The following NCMAP variants were observed in gnomAD, a reference collection of about 807,000 sequenced individuals.
NCMAP encodes noncompact myelin-associated protein.
NCMAP carries 8 observed loss-of-function variants against 7.8 expected under a neutral mutation model. That is an observed-to-expected ratio of 1.02 (90% CI 0.60 to 1.84). NCMAP has a LOEUF of 1.84. Ranked by LOEUF, NCMAP falls within the 40% of genes most tolerant of loss-of-function variation. NCMAP has a pLI of 0.00. For missense variants in NCMAP, 112 were observed against 131.4 expected, an observed-to-expected ratio of 0.85 and a Z score of 0.72; for synonymous variants, 41 against 52.9, an observed-to-expected ratio of 0.78 and a Z score of 0.98.
chr1:24,595,568 T>G, intron 2 of NCMAP, 56 bp downstream of exon 2: 2 of 1,391,818 alleles, frequency 1.4e-6, no homozygotes, highest in South Asian at 2.3e-5. Context: ...AGTGTCATGG[T>G]CATAGTGCAG....
At chr1:24,585,519 T>C (rs1570529212) in intron 1 of NCMAP, among the ~76,000 whole-genome samples, 1 of 152,306 alleles carries the variant, frequency 6.6e-6, no homozygotes, top group South Asian at 2.1e-4. Flanking sequence ...TGTGAAGCTA[T>C]GAACAGTTCC....
At chr1:24,593,399 G>A (rs1419533956) in intron 1 of NCMAP, among the ~76,000 whole-genome samples, 1 of 151,948 alleles carries the variant, frequency 6.6e-6, no homozygotes, top group African/African-American at 2.4e-5. Context: ...AGGCTGAAGT[G>A]GGAGGATTAC....
intron 1 of NCMAP, among the ~76,000 whole-genome samples, chr1:24,564,478 C>A (rs1255367053): frequency 2.3e-5 from 3 of 128,312 alleles, no homozygotes; most frequent in Non-Finnish European, 4.7e-5. Flanking sequence ...CACGCCACTG[C>A]ACTCCAGCCT....
intron 1 of NCMAP, among the ~76,000 whole-genome samples, chr1:24,580,738 C>T (rs1254726665): frequency 4.6e-5 from 7 of 152,336 alleles, no homozygotes; most frequent in African/African-American, 7.2e-5. Flanking sequence ...GAATGACAGG[C>T]GTGAGCCACT....
At chr1:24,597,654 A>AGAAAGAAG (rs1491324327) in intron 2 of NCMAP, among the ~76,000 whole-genome samples, 1 of 138,338 alleles carries the variant, frequency 7.2e-6, no homozygotes, top group Non-Finnish European at 1.6e-5. Flanking sequence ...AAAGAAAGAA[A>AGAAAGAAG]GAAAGAAAGA....
intron 1 of NCMAP, among the ~76,000 whole-genome samples, chr1:24,583,746 G>A (rs1318422535): frequency 6.7e-6 from 1 of 150,298 alleles, no homozygotes; most frequent in Admixed American, 6.6e-5. Context: ...AAAGTGAGCA[G>A]GTGAGCAGAA....
chr1:24,577,420 T>TTTTTTTG lies in NCMAP; in HGVS notation c.-7-17998_-7-17997insGTTTTTT, dbSNP rs1553155956. Reference sequence around the variant, plus strand: ...GGCCTTGTTTTTTTTTTTTTTTTTTTTTTTTTTTTTTGGTTTTTTTGTTTG... The same window carrying TTTTTTTG: ...GGCCTTGTTTTTTTTTTTTTTTTTTTTTTTTTGTTTTTTTTTTTGGTTTTTTTGTTTG... On this transcript the variant is annotated intron_variant, in intron 1 of 3. Coordinates refer to ENST00000374392, the MANE Select transcript of NCMAP (RefSeq NM_001010980.5). Among the ~76,000 whole-genome samples the TTTTTTTG allele has an allele frequency of 7.0e-4, 101 of 143,854 alleles. 1 individual carries two copies. The highest frequency in any genetic ancestry group is 6.3e-3 in the East Asian group (29 of 4,598). The allele number at this position is 143,854 out of a possible 152,430, so 94.4% of individuals were successfully genotyped here.
intron 1 of NCMAP, among the ~76,000 whole-genome samples, chr1:24,572,549 G>A (rs2148928133): frequency 6.6e-6 from 1 of 150,594 alleles, no homozygotes; most frequent in Admixed American, 6.6e-5. Context: ...CCGTGCCAGG[G>A]CCGGCTCTGG....
At chr1:24,582,270 C>T (rs1040417333) in intron 1 of NCMAP, among the ~76,000 whole-genome samples, 1 of 152,136 alleles carries the variant, frequency 6.6e-6, no homozygotes, top group Non-Finnish European at 1.5e-5. Flanking sequence ...GAGTGCACAC[C>T]TTGGGATCAG....
chr1:24,571,075 C>A (rs1447689787), intron 1 of NCMAP, among the ~76,000 whole-genome samples: 1 of 150,706 alleles, frequency 6.6e-6, no homozygotes, highest in African/African-American at 2.5e-5. Context: ...GAGTTCCCAG[C>A]GTCCTTGGGT....
chr1:24,594,654 G>A (rs1652157969), intron 1 of NCMAP, among the ~76,000 whole-genome samples: 1 of 152,110 alleles, frequency 6.6e-6, no homozygotes, highest in East Asian at 1.9e-4. Flanking sequence ...ATTTTTCAAG[G>A]CATATTCAAC....
intron 2 of NCMAP, among the ~76,000 whole-genome samples, chr1:24,597,692 AAGAG>A (rs370978334): frequency 2.1e-5 from 2 of 96,624 alleles, no homozygotes; most frequent in Non-Finnish European, 4.9e-5. Flanking sequence ...GAAAGAAAGA[AAGAG>A]AAAGAAGGAA....
At chr1:24,560,078 G>A (rs1321122535) in intron 1 of NCMAP, among the ~76,000 whole-genome samples, 3 of 149,700 alleles carry the variant, frequency 2.0e-5, no homozygotes, top group East Asian at 2.0e-4. Flanking sequence ...GGAGAATGGC[G>A]TGAACCCGGG....
intron 1 of NCMAP, among the ~76,000 whole-genome samples, chr1:24,564,444 C>T (rs1477761433): frequency 1.5e-5 from 2 of 132,860 alleles, no homozygotes; most frequent in African/African-American, 5.9e-5. Flanking sequence ...ACCCGGGAGA[C>T]TGGAGGTTGC....
At chr1:24,601,095 T>C (rs556724113) in intron 3 of NCMAP, 71 bp downstream of exon 3, 12 of 1,233,776 alleles carry the variant, frequency 9.7e-6, no homozygotes, top group African/African-American at 5.9e-5. Context: ...TGGGAGGTGA[T>C]ATATGGGTGT....
chr1:24,584,756 T>A (rs967927616), intron 1 of NCMAP, among the ~76,000 whole-genome samples: 7 of 152,264 alleles, frequency 4.6e-5, no homozygotes, highest in African/African-American at 1.7e-4. Flanking sequence ...TTTCTCATTC[T>A]TTCGGTCTGA....
chr1:24,568,459 G>A (rs989531358), intron 1 of NCMAP, among the ~76,000 whole-genome samples: 2 of 152,084 alleles, frequency 1.3e-5, no homozygotes, highest in Non-Finnish European at 2.9e-5. Context: ...TTTTAACCTC[G>A]ATTCTCATGT....
intron 3 of NCMAP, among the ~76,000 whole-genome samples, chr1:24,601,226 A>AT (rs1652477569): frequency 6.6e-6 from 1 of 152,132 alleles, no homozygotes; most frequent in African/African-American, 2.4e-5. Flanking sequence ...TTGGAGAAAT[A>AT]TTTTTTAAAC....
Position 24,605,751 on chromosome 1 carries a change from C to G in NCMAP, c.*4C>G, listed in dbSNP as rs376987095. On this transcript the variant is annotated 3_prime_UTR_variant, in exon 4 of 4. Transcript: ENST00000374392. ...CGTCCAGGTGGAGACGCGATGACCT[C>G]TACCCTGGCGCTATCTCCACCACTG... 79 of 1,614,034 alleles carry G rather than the reference C, an allele frequency of 4.9e-5. No individual in the cohort carries two copies. The highest frequency in any genetic ancestry group is 6.6e-5 in the Non-Finnish European group (78 of 1,180,014).
Sources: gnomAD v4.1 joint callset for allele counts (sites outside exome capture counted in the v4.1 genomes callset) on GRCh38, gnomAD v4.1.1 for gene constraint, MANE v1.5 for transcripts, NCBI Gene and HGNC (gene_info 2026-07-23, HGNC 2026-07-21) for gene names.